The following PLAC1 variants were observed in gnomAD, a reference collection of about 807,000 sequenced individuals.
The protein encoded by PLAC1 is placenta associated 1, also known as placenta-specific protein 1.
For synonymous variants in PLAC1, 68 were observed against 62.1 expected (o/e 1.09, Z -0.44); for missense variants, 136 against 163.2 (o/e 0.83, Z 0.91).
intron 1 of PLAC1, among the ~76,000 whole-genome samples, chrX:134,759,713 C>T (rs908822686): frequency 2.7e-5 from 3 of 112,001 alleles, no homozygotes; most frequent in Non-Finnish European, 3.8e-5. Context: ...GGTACATATA[C>T]ACAATGGAAT....
intron 2 of PLAC1, among the ~76,000 whole-genome samples, chrX:134,728,882 G>A (rs2078681001): frequency 1.8e-5 from 2 of 111,512 alleles, no homozygotes; most frequent in South Asian, 7.6e-4. Context: ...TATAGATGAG[G>A]AAACCGAGAA....
chrX:134,603,316 T>TATATATATATATATATATATATA (rs1569384389), intron 1 of PLAC1, among the ~76,000 whole-genome samples: 1 of 11,409 alleles, frequency 8.8e-5, no homozygotes, highest in African/African-American at 4.0e-4. Flanking sequence ...TATATATATT[T>TATATATATATATATATATATATA]TTTTTTTTTT....
upstream of PLAC1, among the ~76,000 whole-genome samples, chrX:134,660,428 A>G (rs1210026374): frequency 8.9e-6 from 1 of 112,357 alleles, no homozygotes; most frequent in Non-Finnish European, 1.9e-5. Flanking sequence ...AAAAAGGAAT[A>G]GAAACTAGAA....
chrX:134,688,942 T>G (rs1409823232), intron 2 of PLAC1, among the ~76,000 whole-genome samples: 1 of 111,740 alleles, frequency 8.9e-6, no homozygotes, highest in African/African-American at 3.3e-5. Flanking sequence ...TGCCCCACAT[T>G]ATTTCTTCTT....
intron 1 of PLAC1, among the ~76,000 whole-genome samples, chrX:134,609,591 C>T (rs1476291652): frequency 8.9e-6 from 1 of 112,414 alleles, no homozygotes; most frequent in African/African-American, 3.2e-5. Context: ...TCTTAGTCTG[C>T]TCAGGCCACC....
At chrX:134,619,098 CCTT>C (rs1322499553) in intron 1 of PLAC1, among the ~76,000 whole-genome samples, 1 of 111,906 alleles carries the variant, frequency 8.9e-6, no homozygotes, top group Non-Finnish European at 1.9e-5. Flanking sequence ...GACAAAGCCA[CCTT>C]CTTAAAAAAT....
At chrX:134,666,830 A>T (rs982338750) in intron 2 of PLAC1, among the ~76,000 whole-genome samples, 4 of 111,612 alleles carry the variant, frequency 3.6e-5, no homozygotes, top group African/African-American at 1.3e-4. Flanking sequence ...TCCATATCTG[A>T]TCATTCTTTT....
At chrX:134,699,790 A>C (rs772095035) in intron 2 of PLAC1, among the ~76,000 whole-genome samples, 1 of 111,712 alleles carries the variant, frequency 9.0e-6, no homozygotes, top group Admixed American at 9.5e-5. Flanking sequence ...TGTTATCCCC[A>C]TCCTGAAATC....
chrX:134,677,745 C>T (rs5978029), intron 2 of PLAC1, among the ~76,000 whole-genome samples: 267 of 111,280 alleles, frequency 2.4e-3, no homozygotes, highest in Middle Eastern at 9.2e-3. Context: ...GTTTTAAGCC[C>T]GGGGGGTGAC....
chrX:134,652,162 G>C (rs1008429452), intron 1 of PLAC1, among the ~76,000 whole-genome samples: 4 of 111,710 alleles, frequency 3.6e-5, no homozygotes, highest in Non-Finnish European at 7.5e-5. Flanking sequence ...CAAATATCTA[G>C]TTAGTTCAGG....
At chrX:134,675,940 G>A (rs1456510701) in intron 2 of PLAC1, among the ~76,000 whole-genome samples, 2 of 111,652 alleles carry the variant, frequency 1.8e-5, no homozygotes, top group Non-Finnish European at 3.8e-5. Flanking sequence ...AGGAGCAAGA[G>A]GGGAGGCTAG....
At chrX:134,695,477 C>T (rs2078559700) in intron 2 of PLAC1, among the ~76,000 whole-genome samples, 1 of 111,897 alleles carries the variant, frequency 8.9e-6, no homozygotes. Flanking sequence ...GTGGTGCCTA[C>T]AAGACAAAGA....
chrX:134,708,752 G>A (rs773026296), intron 2 of PLAC1, among the ~76,000 whole-genome samples: 1 of 110,648 alleles, frequency 9.0e-6, no homozygotes, highest in Admixed American at 9.6e-5. Flanking sequence ...TGGTCAGGCT[G>A]GTCTCGACCT....
At chrX:134,669,027 C>T (rs1248773360) in intron 2 of PLAC1, among the ~76,000 whole-genome samples, 1 of 112,611 alleles carries the variant, frequency 8.9e-6, no homozygotes, top group Non-Finnish European at 1.9e-5. Flanking sequence ...TTGTTCTGGC[C>T]TTTGTGGTTC....
rs771713205 is a variant in PLAC1 at position 134,694,093 on chromosome X, C to A, written n.174+39342G>T. Among the ~76,000 whole-genome samples, 24 of 110,961 alleles carry A rather than the reference C, an allele frequency of 2.2e-4. No homozygotes were observed. In the South Asian group the frequency reaches 9.3e-3, roughly 43 times the overall value. On this transcript the variant is annotated intron_variant and non_coding_transcript_variant, in intron 2 of 2. Transcript: ENST00000466797. Reference sequence around the variant, plus strand: ...TTTTTTTTTCTCATCAAGAATCTAACCCCTTATAAGACAGGACTTTGCCAT... The same window carrying A: ...TTTTTTTTTCTCATCAAGAATCTAAACCCTTATAAGACAGGACTTTGCCAT...
At chrX:134,664,189 C>T (rs896855682) in intron 2 of PLAC1, among the ~76,000 whole-genome samples, 3 of 111,739 alleles carry the variant, frequency 2.7e-5, no homozygotes, top group African/African-American at 9.8e-5. Context: ...TGACTGGGTC[C>T]CACTCCCAGA....
chrX:134,756,646 G>A (rs970932518), intron 1 of PLAC1, among the ~76,000 whole-genome samples: 6 of 110,192 alleles, frequency 5.4e-5, no homozygotes, highest in African/African-American at 2.0e-4. Context: ...TCAGGGTATC[G>A]AGACCATCCT....
chrX:134,679,231 A>G (rs2078485436), intron 2 of PLAC1, among the ~76,000 whole-genome samples: 1 of 111,675 alleles, frequency 9.0e-6, no homozygotes, highest in South Asian at 3.8e-4. Context: ...AGTTGGAGAA[A>G]GGGTAGGCTC....
At chrX:134,607,881 C>T (rs1380751045) in intron 1 of PLAC1, among the ~76,000 whole-genome samples, 1 of 110,515 alleles carries the variant, frequency 9.0e-6, no homozygotes, top group Admixed American at 9.7e-5. Flanking sequence ...ACCTTGGATG[C>T]GGACCCCAAG....
Sources: gnomAD v4.1 joint callset for allele counts (sites outside exome capture counted in the v4.1 genomes callset) on GRCh38, gnomAD v4.1.1 for gene constraint, MANE v1.5 for transcripts, NCBI Gene and HGNC (gene_info 2026-07-23, HGNC 2026-07-21) for gene names.